Variants in GPHN observed in about 807,000 individuals in gnomAD.
The protein encoded by GPHN is gephyrin.
A neutral mutation model predicts 95.5 loss-of-function variants in GPHN; 17 were observed. The observed-to-expected ratio is 0.18, with a 90% CI of 0.12 to 0.27. The LOEUF (loss-of-function observed/expected upper bound fraction) is 0.27. GPHN is among the 10% of genes least tolerant of loss of function. The pLI, the probability that GPHN is intolerant of heterozygous loss-of-function variation, is 1.00. For synonymous variants in GPHN, 320 were observed against 322.5 expected (o/e 0.99, Z 0.08); for missense variants, 660 against 978.1 (o/e 0.67, Z 4.34).
chr14:66,821,843 A>G (rs2061205225), intron 3 of GPHN, among the ~76,000 whole-genome samples: 1 of 152,244 alleles, frequency 6.6e-6, no homozygotes, highest in Admixed American at 6.5e-5. Context: ...AATTGCTCTC[A>G]AGATAACAAA....
the GPHN span, among the ~76,000 whole-genome samples, chr14:67,191,662 T>TCAA: frequency 6.6e-6 from 1 of 152,186 alleles, no homozygotes; most frequent in Admixed American, 6.5e-5. Context: ...TCAGCCCTAA[T>TCAA]GGAGCCTTGA....
intron 1 of GPHN, among the ~76,000 whole-genome samples, chr14:66,657,761 A>T (rs898328264): frequency 4.6e-5 from 7 of 151,932 alleles, no homozygotes; most frequent in Non-Finnish European, 5.9e-5. Flanking sequence ...AAAATAGATT[A>T]AAAAAAATAC....
chr14:67,376,065 C>T, the GPHN span, among the ~76,000 whole-genome samples: 19 of 152,094 alleles, frequency 1.2e-4, no homozygotes, highest in African/African-American at 3.4e-4. Flanking sequence ...TTTTTTTTAT[C>T]GTGATTCTCT....
At chr14:66,738,691 ATAAACT>A (rs2072511259) in intron 2 of GPHN, among the ~76,000 whole-genome samples, 1 of 152,168 alleles carries the variant, frequency 6.6e-6, no homozygotes, top group Admixed American at 6.5e-5. Flanking sequence ...ATCTAAGTAA[ATAAACT>A]TAAATATATA....
At chr14:66,916,189 G>C in intron 6 of GPHN, 120 bp downstream of exon 6, 1 of 717,544 alleles carries the variant, frequency 1.4e-6, no homozygotes, top group Admixed American at 2.0e-5. Flanking sequence ...ACCAATTGCA[G>C]GATTCCCAAA....
At chr14:67,186,397 A>G (rs2083368738), downstream of GPHN, among the ~76,000 whole-genome samples, 1 of 152,244 alleles carries the variant, frequency 6.6e-6, no homozygotes, top group Admixed American at 6.5e-5. Flanking sequence ...AAGTATTTCA[A>G]CAGAGAGACT....
intron 2 of GPHN, among the ~76,000 whole-genome samples, chr14:66,736,790 C>T (rs1206582349): frequency 6.6e-6 from 1 of 152,198 alleles, no homozygotes; most frequent in African/African-American, 2.4e-5. Context: ...ATTTGCACTT[C>T]ATTTTCTGTT....
intron 11 of GPHN, among the ~76,000 whole-genome samples, chr14:67,084,346 G>T (rs72715347): frequency 0.024 from 3,681 of 152,096 alleles, 69 homozygotes; most frequent in Non-Finnish European, 0.036. Flanking sequence ...ACAAAATTAG[G>T]TTTAAACTCC....
chr14:66,761,799 A>G (rs751399734), intron 2 of GPHN, among the ~76,000 whole-genome samples: 1 of 151,830 alleles, frequency 6.6e-6, no homozygotes, highest in Non-Finnish European at 1.5e-5. Flanking sequence ...AGCTGGGACT[A>G]CAGGCACCCA....
the GPHN span, among the ~76,000 whole-genome samples, chr14:67,281,303 A>T: frequency 1.3e-5 from 2 of 152,160 alleles, no homozygotes; most frequent in Admixed American, 1.3e-4. Flanking sequence ...TGTTTTAAGA[A>T]ATCATAGATA....
chr14:67,490,270 T>C, the GPHN span, among the ~76,000 whole-genome samples: 1 of 152,150 alleles, frequency 6.6e-6, no homozygotes, highest in South Asian at 2.1e-4. Flanking sequence ...AGGAGTGTGC[T>C]CACTCTCCTT....
rs2076587099 is a variant in GPHN at position 67,078,789 on chromosome 14, A to G, written c.1145-10194A>G. On this transcript the variant is annotated intron_variant, in intron 11 of 22. Coordinates refer to ENST00000478722, the MANE Select transcript of GPHN (RefSeq NM_020806.5). ...AGGTATATCTGGCATTTATTCCTTC[A>G]AGATTCCTTTTGTATCTGCTGCCGA... 2.6e-5 allele frequency among the ~76,000 whole-genome samples: 4 copies of G among 152,110 alleles called. 1 individual carries two copies. The South Asian group carries it at 6.2e-4, about 24-fold the overall frequency.
At chr14:66,694,896 G>A (rs1243457185) in intron 2 of GPHN, among the ~76,000 whole-genome samples, 2 of 152,186 alleles carry the variant, frequency 1.3e-5, no homozygotes, top group Admixed American at 6.5e-5. Flanking sequence ...AGTGGCTCAC[G>A]CCTGTAATCC....
intron 10 of GPHN, among the ~76,000 whole-genome samples, chr14:67,028,907 C>G (rs1353453976): frequency 6.6e-6 from 1 of 152,076 alleles, no homozygotes; most frequent in East Asian, 1.9e-4. Flanking sequence ...GTTGTCTGTA[C>G]TTTTGAAGTC....
chr14:67,208,513 G>C, the GPHN span: 1 of 1,519,204 alleles, frequency 6.6e-7, no homozygotes, highest in Non-Finnish European at 8.9e-7. Context: ...AGAAATATGT[G>C]CTTTAGTCTC....
chr14:66,581,419 A>G (rs192926655), intron 1 of GPHN, among the ~76,000 whole-genome samples: 40 of 152,062 alleles, frequency 2.6e-4, no homozygotes, highest in Non-Finnish European at 8.8e-5. Context: ...TTAAGATAAA[A>G]AGTGGGAATC....
intron 18 of GPHN, among the ~76,000 whole-genome samples, chr14:67,148,078 C>T (rs2081005682): frequency 6.6e-6 from 1 of 152,060 alleles, no homozygotes; most frequent in Admixed American, 6.6e-5. Flanking sequence ...TTGATGAAGA[C>T]CTGAGAAACT....
the GPHN span, among the ~76,000 whole-genome samples, chr14:67,686,417 C>T: frequency 2.6e-5 from 4 of 151,676 alleles, no homozygotes; most frequent in Non-Finnish European, 5.9e-5. Context: ...GGCAGGTGGA[C>T]TGCCTGAGCT....
At chr14:67,573,922 G>T in the GPHN span, 3 of 1,490,804 alleles carry the variant, frequency 2.0e-6, no homozygotes, top group Non-Finnish European at 2.8e-6. The surrounding 1 kb of genome is among the most constrained non-coding windows in gnomAD (Gnocchi z 4.8). Context: ...ATTTTAAACA[G>T]AAGAGGTGCT....
Sources: gnomAD v4.1 joint callset for allele counts (sites outside exome capture counted in the v4.1 genomes callset) on GRCh38, gnomAD v4.1.1 for gene constraint, Gnocchi (gnomAD v3.1) non-coding constraint, MANE v1.5 for transcripts, NCBI Gene and HGNC (gene_info 2026-07-23, HGNC 2026-07-21) for gene names.